FRMPD2: variants seen among roughly 807,000 people sequenced by gnomAD.
The protein encoded by FRMPD2 is FERM and PDZ domain-containing protein 2.
FRMPD2 carries 96 observed loss-of-function variants against 140.1 expected under a neutral mutation model. That is an observed-to-expected ratio of 0.69 (90% confidence interval 0.58 to 0.81). FRMPD2 has a LOEUF of 0.81. Ranked by LOEUF, FRMPD2 falls within the 40% of genes least tolerant of loss-of-function variation. The pLI is 0.00. For missense variants in FRMPD2, 1,240 were observed against 1,447.4 expected, an observed-to-expected ratio of 0.86 and a Z score of 2.32; for synonymous variants, 449 against 547.6, an observed-to-expected ratio of 0.82 and a Z score of 2.52.
intron 10 of FRMPD2, among the ~76,000 whole-genome samples, chr10:48,229,854 A>T (rs1432914995): frequency 1.3e-5 from 2 of 152,112 alleles, no homozygotes; most frequent in Non-Finnish European, 2.9e-5. Flanking sequence ...ACAGTCCAAA[A>T]ATTGCTTTTT....
chr10:48,234,220 C>T (rs1195992545), intron 9 of FRMPD2, among the ~76,000 whole-genome samples: 1 of 152,184 alleles, frequency 6.6e-6, no homozygotes, highest in Admixed American at 6.5e-5. Flanking sequence ...TCTCTGTTCA[C>T]CTTGTGAATA....
chr10:48,194,554 G>T (rs1006609917), intron 15 of FRMPD2, among the ~76,000 whole-genome samples: 2 of 152,198 alleles, frequency 1.3e-5, no homozygotes. Context: ...TTTGAAGCAA[G>T]ACTGTACAGA....
chr10:48,236,564 A>ACAGT lies in FRMPD2; in HGVS notation c.922-15_922-12dup, dbSNP rs1377191136. On this transcript the variant is annotated splice_polypyrimidine_tract_variant and intron_variant, in intron 8 of 28. Coordinates refer to ENST00000374201, the MANE Select transcript of FRMPD2 (RefSeq NM_001018071.4). Reference sequence around the variant, plus strand: ...CTCTGGCCTGGAAAACTGGAGGAAAACAGTCACATATGGTAGAGAAGACAA... The same window carrying ACAGT: ...CTCTGGCCTGGAAAACTGGAGGAAAACAGTCAGTCACATATGGTAGAGAAGACAA... 17 of 1,613,550 alleles carry ACAGT rather than the reference A, an allele frequency of 1.1e-5. No individual in the cohort carries two copies. Among genetic ancestry groups the ACAGT allele is most frequent in the Non-Finnish European group, 1.4e-5 (17 of 1,179,436 alleles).
At chr10:48,181,884 T>TCA (rs1342570630) in intron 20 of FRMPD2, among the ~76,000 whole-genome samples, 1 of 13,440 alleles carries the variant, frequency 7.4e-5, no homozygotes, top group Non-Finnish European at 1.5e-4. Flanking sequence ...TATATGGCTC[T>TCA]CATACACACA....
In FRMPD2 at chr10:48,189,130, T is replaced by TA. The variant is rs1162618764; in HGVS notation, c.2166-1839dup. ...TTAAAAACATTTTAAACGTGAACTT[T>TA]AAAAAAATCCATTTACTGAAAGCTT... On this transcript the variant is annotated intron_variant, in intron 16 of 28. Coordinates refer to ENST00000374201, the MANE Select transcript of FRMPD2 (RefSeq NM_001018071.4). Among the ~76,000 whole-genome samples the TA allele has an allele frequency of 2.6e-5, 4 of 152,210 alleles. No homozygotes were observed. In the East Asian group the frequency reaches 5.8e-4, roughly 22 times the overall value.
chr10:48,260,427 G>A (rs1588859847), intron 1 of FRMPD2, among the ~76,000 whole-genome samples: 1 of 152,224 alleles, frequency 6.6e-6, no homozygotes, highest in African/African-American at 2.4e-5. Flanking sequence ...TAGGAAAAAA[G>A]GGATGAGTGT....
intron 14 of FRMPD2, among the ~76,000 whole-genome samples, chr10:48,206,310 A>T (rs1839197299): frequency 6.6e-6 from 1 of 152,240 alleles, no homozygotes; most frequent in Non-Finnish European, 1.5e-5. Context: ...GCCTTGGCAC[A>T]CTGCGTGCAA....
At chr10:48,205,104 C>T (rs1839175094) in intron 14 of FRMPD2, among the ~76,000 whole-genome samples, 1 of 152,202 alleles carries the variant, frequency 6.6e-6, no homozygotes. Context: ...TTTGTGCTTA[C>T]AGAAGCATAA....
intron 10 of FRMPD2, among the ~76,000 whole-genome samples, chr10:48,224,490 C>T (rs1839679244): frequency 6.6e-6 from 1 of 152,180 alleles, no homozygotes; most frequent in Admixed American, 6.5e-5. Context: ...ACAGCTGTCA[C>T]CACACCACAC....
chr10:48,259,659 A>T (rs913863930), intron 1 of FRMPD2, among the ~76,000 whole-genome samples: 32 of 143,356 alleles, frequency 2.2e-4, no homozygotes, highest in Middle Eastern at 7.2e-3. Context: ...TGTGTGTGTG[A>T]GTATACACAC....
Position 48,184,627 on chromosome 10 carries a change from C to T in FRMPD2, c.2523G>A (p.Met841Ile). Residue 841 changes from methionine to isoleucine, a missense_variant, in exon 20 of 29, where the codon ATG becomes ATA. Physicochemically the swap from Met to Ile is conservative, Grantham distance 10. Around this residue, in one of 6 missense-constraint regions of FRMPD2, gnomAD observed 1,161 missense variants for 1,055.9 expected, o/e 1.10. Coordinates refer to ENST00000374201, the MANE Select transcript of FRMPD2 (RefSeq NM_001018071.4). ...HISLEGFTFNMAVRMIQNSPD... is the reference protein window; with the variant it reads ...HISLEGFTFNIAVRMIQNSPD... ...GGGAATTCTGGATCATCCTAACAGC[C>T]ATGTTGAATGTGAAGCCCTCCAGAC... The T allele has an allele frequency of 1.2e-6, 2 of 1,613,768 alleles. No homozygotes were observed. The highest frequency in any genetic ancestry group is 1.7e-6 in the Non-Finnish European group (2 of 1,179,710).
At chr10:48,227,119 G>A (rs80060207) in intron 10 of FRMPD2, among the ~76,000 whole-genome samples, 2,083 of 152,254 alleles carry the variant, frequency 0.014, 38 homozygotes, top group African/African-American at 0.046. Context: ...ATTTTTTCTT[G>A]TCCCTTCTTT....
intron 12 of FRMPD2, among the ~76,000 whole-genome samples, chr10:48,217,188 C>T (rs1055962236): frequency 3.9e-5 from 6 of 152,180 alleles, no homozygotes; most frequent in Non-Finnish European, 7.4e-5. Flanking sequence ...TCTTCCAGTC[C>T]GGGAGTTTCA....
intron 23 of FRMPD2, among the ~76,000 whole-genome samples, 192 bp downstream of exon 23, chr10:48,175,654 A>G (rs529661730): frequency 6.6e-6 from 1 of 151,912 alleles, no homozygotes; most frequent in East Asian, 1.9e-4. Flanking sequence ...AGACCCCCCA[A>G]CCTATCAAAT....
intron 15 of FRMPD2, among the ~76,000 whole-genome samples, chr10:48,193,653 A>T (rs1177486859): frequency 6.6e-6 from 1 of 152,358 alleles, no homozygotes; most frequent in East Asian, 1.9e-4. Context: ...CAGGAAAATG[A>T]TGACTACATT....
intron 1 of FRMPD2, among the ~76,000 whole-genome samples, chr10:48,271,974 G>A (rs1406341941): frequency 6.6e-6 from 1 of 152,210 alleles, no homozygotes; most frequent in African/African-American, 2.4e-5. Flanking sequence ...ATATGGAGAG[G>A]GCAGGGAATA....
rs782159265 is a variant in FRMPD2, at chr10:48,178,029, T to C, written c.2895+18A>G. On this transcript the variant is annotated intron_variant, in intron 22 of 28. Coordinates refer to ENST00000374201, the MANE Select transcript of FRMPD2 (RefSeq NM_001018071.4). ...ACATCTTGTTAACTGCTTTTCAAGCTCTCCTAAAAACTCTTACAGTTACAC... is the reference window on the plus strand; with the variant it reads ...ACATCTTGTTAACTGCTTTTCAAGCCCTCCTAAAAACTCTTACAGTTACAC... 2.1e-6 allele frequency: 3 copies of C among 1,423,774 alleles called. No individual in the cohort carries two copies. Among genetic ancestry groups the C allele is most frequent in the Non-Finnish European group, 2.0e-6 (2 of 1,009,824 alleles). The allele number at this position is 1,423,774 out of a possible 1,614,324, so 88.2% of individuals were successfully genotyped here. A position where few individuals can be genotyped will look rare whatever the true frequency, so the allele number is the denominator to read the frequency against.
intron 1 of FRMPD2, among the ~76,000 whole-genome samples, chr10:48,263,167 G>T (rs1840623725): frequency 6.6e-6 from 1 of 151,374 alleles, no homozygotes; most frequent in South Asian, 2.1e-4. Flanking sequence ...AATGAAGGAA[G>T]TACTTATACA....
intron 3 of FRMPD2, among the ~76,000 whole-genome samples, chr10:48,245,174 A>C (rs1823932095): frequency 1.3e-5 from 2 of 152,170 alleles, no homozygotes; most frequent in South Asian, 2.1e-4. Context: ...CTGCCTTCAA[A>C]ATTGATGTGA....
Sources: gnomAD v4.1 joint callset for allele counts (sites outside exome capture counted in the v4.1 genomes callset) on GRCh38, gnomAD v4.1.1 for gene constraint, gnomAD v4.1.1 regional missense constraint, MANE v1.5 for transcripts, NCBI Gene and HGNC (gene_info 2026-07-23, HGNC 2026-07-21) for gene names.